IFT43: variants seen among roughly 807,000 people sequenced by gnomAD.
IFT43 encodes intraflagellar transport 43.
A neutral mutation model predicts 32.3 loss-of-function variants in IFT43; 33 were observed. The ratio of observed to expected loss-of-function variants is 1.02; its 90% CI spans 0.77 to 1.37. The LOEUF (loss-of-function observed/expected upper bound fraction) is 1.37, where lower values mean the gene tolerates loss of function less well. IFT43 is among the 40% of genes most tolerant of loss of function. IFT43 has a pLI of 0.00. For missense variants in IFT43, 274 were observed against 265.9 expected, an observed-to-expected ratio of 1.03 and a Z score of -0.21; for synonymous variants, 93 against 98.2, an observed-to-expected ratio of 0.95 and a Z score of 0.31.
intron 3 of IFT43, among the ~76,000 whole-genome samples, chr14:76,053,035 T>G (rs1202565863): frequency 3.9e-5 from 6 of 152,172 alleles, no homozygotes; most frequent in Non-Finnish European, 1.5e-5. Flanking sequence ...CCTACCACTT[T>G]CTAGGTAGGT....
At chr14:76,078,161 G>A (rs570097232) in intron 5 of IFT43, among the ~76,000 whole-genome samples, 11 of 152,280 alleles carry the variant, frequency 7.2e-5, no homozygotes, top group Admixed American at 2.0e-4. Context: ...TGTTATTTGC[G>A]AATTCTTTTC....
chr14:76,043,293 C>T (rs1441758095), intron 3 of IFT43, among the ~76,000 whole-genome samples: 1 of 152,188 alleles, frequency 6.6e-6, no homozygotes, highest in African/African-American at 2.4e-5. Context: ...ATGAATGAAC[C>T]ACCACAGGGT....
chr14:76,064,780 A>G (rs967768114), intron 5 of IFT43, among the ~76,000 whole-genome samples: 2 of 152,206 alleles, frequency 1.3e-5, no homozygotes, highest in African/African-American at 4.8e-5. Context: ...TTTGGCAGAA[A>G]CTTCTAAATG....
chr14:75,991,405 G>GTGTA (rs1264352757), intron 2 of IFT43, among the ~76,000 whole-genome samples: 2 of 144,212 alleles, frequency 1.4e-5, no homozygotes, highest in Non-Finnish European at 3.0e-5. Context: ...GTGTGTGTGT[G>GTGTA]TGTGTGTGTG....
Position 75,985,841 on chromosome 14 carries a change from G to A in IFT43, c.54+1G>A, listed in dbSNP as rs112406324. 9 of 1,613,980 alleles carry A rather than the reference G, an allele frequency of 5.6e-6. No individual in the cohort carries two copies. The East Asian group carries it at 2.0e-4, about 36-fold the overall frequency. Reference sequence around the variant, plus strand: ...GCTTCGCTACAGCTTGGCTACCTCCGTGAGGACCAATTCGGGGGCCTTGGG... The same window carrying A: ...GCTTCGCTACAGCTTGGCTACCTCCATGAGGACCAATTCGGGGGCCTTGGG... On this transcript the variant is annotated splice_donor_variant, in intron 1 of 8. Transcript: ENST00000314067. LOFTEE classifies it high-confidence loss of function.
intron 2 of IFT43, among the ~76,000 whole-genome samples, chr14:75,992,498 C>T (rs1594800316): frequency 8.4e-6 from 1 of 118,618 alleles, no homozygotes; most frequent in African/African-American, 3.5e-5. Flanking sequence ...CAGGCTACTA[C>T]TCATTTATCC....
intron 2 of IFT43, among the ~76,000 whole-genome samples, chr14:75,995,250 C>T (rs2035722139): frequency 6.6e-6 from 1 of 152,128 alleles, no homozygotes; most frequent in South Asian, 2.1e-4. Flanking sequence ...CCTAACCTCT[C>T]CTACCTGCTA....
rs1304326992 is a variant in IFT43, at chr14:76,049,804, TC to T, written c.216-8837del. Among the ~76,000 whole-genome samples, 678 of 152,068 alleles carry T rather than the reference TC, an allele frequency of 4.5e-3. 1 individual carries two copies. Among genetic ancestry groups the T allele is most frequent in the Non-Finnish European group, 7.0e-3 (473 of 68,010 alleles). ...GTTGCAAAATATTAGATCATTGAGG[TC>T]TCTATATGTGGGCATAAGTAACTTG... is the stretch of plus-strand genomic sequence containing the variant. On this transcript the variant is annotated intron_variant, in intron 3 of 8. Transcript: ENST00000314067.
At chr14:76,074,185 T>C (rs1412379686) in intron 5 of IFT43, among the ~76,000 whole-genome samples, 1 of 152,224 alleles carries the variant, frequency 6.6e-6, no homozygotes, top group South Asian at 2.1e-4. Context: ...GTTTCTAATG[T>C]TCTTCCACTG....
intron 3 of IFT43, among the ~76,000 whole-genome samples, chr14:76,052,033 G>A (rs970427586): frequency 6.6e-6 from 1 of 152,212 alleles, no homozygotes; most frequent in Admixed American, 6.5e-5. Flanking sequence ...AAGGCTCCAG[G>A]TGCTTGGCAC....
intron 3 of IFT43, among the ~76,000 whole-genome samples, chr14:76,031,407 G>A (rs1167056258): frequency 6.6e-6 from 1 of 152,162 alleles, no homozygotes; most frequent in Non-Finnish European, 1.5e-5. Context: ...GTTATTCTGT[G>A]CCAGTGGTGT....
intron 3 of IFT43, among the ~76,000 whole-genome samples, chr14:76,057,843 A>C (rs1393423947): frequency 6.6e-6 from 1 of 152,234 alleles, no homozygotes; most frequent in African/African-American, 2.4e-5. Flanking sequence ...ACAAAAATGT[A>C]ATCTCCATGT....
chr14:76,041,684 G>T (rs971871171), intron 3 of IFT43, among the ~76,000 whole-genome samples: 3 of 152,132 alleles, frequency 2.0e-5, no homozygotes, highest in Non-Finnish European at 2.9e-5. Context: ...CTCTCTAGAA[G>T]TAATTACTGG....
At chr14:76,039,344 A>G (rs764429944) in intron 3 of IFT43, among the ~76,000 whole-genome samples, 1 of 152,100 alleles carries the variant, frequency 6.6e-6, no homozygotes, top group Non-Finnish European at 1.5e-5. Context: ...TTTTTTGTAG[A>G]GATGAAGTCT....
Position 76,070,874 on chromosome 14 carries a change from C to T in IFT43, c.296-11421C>T, listed in dbSNP as rs142192008. Among the ~76,000 whole-genome samples the T allele has an allele frequency of 3.2e-3, 485 of 152,250 alleles. 3 individuals are homozygous for T. The highest frequency in any genetic ancestry group is 0.011 in the African/African-American group (465 of 41,532). On this transcript the variant is annotated intron_variant, in intron 5 of 8. Transcript: ENST00000314067. ...CTGAGGCCTCCCCAGAAGCAGAGGG[C>T]GCTGTGTTTCCTACACAGCCTGTAG... is the stretch of plus-strand genomic sequence containing the variant.
intron 2 of IFT43, chr14:76,013,649 T>C (rs1427736462): frequency 1.5e-5 from 4 of 262,280 alleles, no homozygotes; most frequent in African/African-American, 2.3e-5. Context: ...ATCATATTGC[T>C]GGGGAAAGGA....
In IFT43 at chr14:76,071,143, C is replaced by T. The variant is rs544047061; in HGVS notation, c.296-11152C>T. Among the ~76,000 whole-genome samples the T allele has an allele frequency of 7.9e-5, 12 of 152,176 alleles. No individual in the cohort carries two copies. The East Asian group carries it at 1.9e-3, about 24-fold the overall frequency. On this transcript the variant is annotated intron_variant, in intron 5 of 8. Coordinates refer to ENST00000314067, the MANE Select transcript of IFT43 (RefSeq NM_001102564.3). ...CCACATCCATAGTGGGAACGGGGGC[C>T]GGGTGAGGTGGATTGGTGCTTACTG...
chr14:76,071,555 A>C (rs1594862548), intron 5 of IFT43, among the ~76,000 whole-genome samples: 1 of 152,182 alleles, frequency 6.6e-6, no homozygotes, highest in African/African-American at 2.4e-5. Context: ...CAAACTCCCA[A>C]CATGACATCA....
chr14:76,062,004 T>C (rs1331243023), intron 5 of IFT43, among the ~76,000 whole-genome samples: 2 of 152,082 alleles, frequency 1.3e-5, no homozygotes, highest in Non-Finnish European at 2.9e-5. Flanking sequence ...CTAATTCCAT[T>C]ATATCTGTCT....
Sources: gnomAD v4.1 joint callset for allele counts (sites outside exome capture counted in the v4.1 genomes callset) on GRCh38, gnomAD v4.1.1 for gene constraint, MANE v1.5 for transcripts, NCBI Gene and HGNC (gene_info 2026-07-23, HGNC 2026-07-21) for gene names.